VRK2: variants seen among roughly 807,000 people sequenced by gnomAD.
VRK2 encodes the protein VRK serine/threonine kinase 2.
A neutral mutation model predicts 57.6 loss-of-function variants in VRK2; 60 were observed. The ratio of observed to expected loss-of-function variants is 1.04; its 90% confidence interval spans 0.85 to 1.29. The LOEUF is 1.29. VRK2 is among the 50% of genes most tolerant of loss of function. VRK2 has a pLI of 0.00. For missense variants in VRK2, 705 were observed against 588.1 expected (o/e 1.20, Z -2.06); for synonymous variants, 231 against 199.2 (o/e 1.16, Z -1.35).
intron 2 of VRK2, among the ~76,000 whole-genome samples, chr2:58,059,553 A>C (rs570272154): frequency 1.3e-5 from 2 of 152,056 alleles, no homozygotes; most frequent in East Asian, 3.9e-4. Flanking sequence ...TAAGATAAAT[A>C]GGATCGTGTT....
At chr2:58,090,165 G>A (rs1309461340) in intron 7 of VRK2, among the ~76,000 whole-genome samples, 4 of 152,148 alleles carry the variant, frequency 2.6e-5, no homozygotes, top group Non-Finnish European at 5.9e-5. Flanking sequence ...AGAGGCCGAG[G>A]TGAGTGGATC....
intron 3 of VRK2, among the ~76,000 whole-genome samples, chr2:58,034,052 T>C (rs1674198732): frequency 6.6e-6 from 1 of 152,070 alleles, no homozygotes; most frequent in Non-Finnish European, 1.5e-5. Context: ...GGTAGGTGCT[T>C]ACAAATGTTA....
chr2:58,154,705 TTTC>T (rs1558712402), intron 12 of VRK2: 4 of 716,574 alleles, frequency 5.6e-6, no homozygotes, highest in Non-Finnish European at 1.0e-5. Flanking sequence ...TTTCCTATTA[TTTC>T]TTTCCTTCAT....
chr2:58,077,762 A>T (rs991741998), intron 2 of VRK2, among the ~76,000 whole-genome samples: 1 of 152,092 alleles, frequency 6.6e-6, no homozygotes, highest in African/African-American at 2.4e-5. Context: ...GCCACAATTT[A>T]CTGTAGAGTT....
chr2:57,919,884 AT>A (rs1475499501), intron 1 of VRK2, among the ~76,000 whole-genome samples: 2 of 152,120 alleles, frequency 1.3e-5, no homozygotes, highest in African/African-American at 4.8e-5. Context: ...AGGAGCCATT[AT>A]CTCCATGGGT....
At chr2:57,914,022 A>G (rs917826254) in intron 1 of VRK2, among the ~76,000 whole-genome samples, 4 of 152,098 alleles carry the variant, frequency 2.6e-5, no homozygotes, top group Non-Finnish European at 5.9e-5. Context: ...TGCTTAATAC[A>G]TTAAAGAGAA....
chr2:57,969,299 A>C (rs1672020090), intron 1 of VRK2, among the ~76,000 whole-genome samples: 1 of 152,128 alleles, frequency 6.6e-6, no homozygotes, highest in Non-Finnish European at 1.5e-5. Flanking sequence ...TTCCATTTGA[A>C]GAAATCAAGT....
At chr2:58,060,071 T>G (rs962027289) in intron 2 of VRK2, among the ~76,000 whole-genome samples, 15 of 151,780 alleles carry the variant, frequency 9.9e-5, no homozygotes, top group African/African-American at 3.6e-4. Flanking sequence ...ATGTAAACCT[T>G]TTATCTTACA....
intron 1 of VRK2, among the ~76,000 whole-genome samples, chr2:57,963,757 C>T (rs554036068): frequency 6.6e-6 from 1 of 152,236 alleles, no homozygotes; most frequent in Non-Finnish European, 1.5e-5. Context: ...CTTTTTATAA[C>T]CAATCAATAG....
chr2:58,066,812 T>C (rs901484440), intron 2 of VRK2, among the ~76,000 whole-genome samples: 5 of 152,190 alleles, frequency 3.3e-5, no homozygotes, highest in Non-Finnish European at 2.9e-5. Context: ...TAGTTCATGG[T>C]TTTTAAGGAA....
chr2:57,957,412 G>A (rs1671619638), intron 1 of VRK2, among the ~76,000 whole-genome samples: 1 of 151,940 alleles, frequency 6.6e-6, no homozygotes, highest in African/African-American at 2.4e-5. Flanking sequence ...TGCTTTGTCA[G>A]AGCATAACTT....
chr2:58,105,727 C>T (rs1430604424), intron 7 of VRK2, among the ~76,000 whole-genome samples: 1 of 151,620 alleles, frequency 6.6e-6, no homozygotes, highest in Non-Finnish European at 1.5e-5. Flanking sequence ...TTAACAGGTG[C>T]CCTTTTTTAG....
Position 58,140,003 on chromosome 2 carries a change from G to A in VRK2, c.1023+171G>A, listed in dbSNP as rs148764896. On this transcript the variant is annotated intron_variant, in intron 11 of 12. Transcript: ENST00000340157. The stretch of plus-strand genomic sequence containing the variant: ...AGTTTGTTCCAAGTTCTTTTGACCT[G>A]TTGTCTCACAGAGAAAAATAGGATC... 4.2e-3 allele frequency among the ~76,000 whole-genome samples: 632 copies of A among 152,084 alleles called. 7 individuals are homozygous for A. The highest frequency in any genetic ancestry group is 0.014 in the African/African-American group (590 of 41,520).
Position 58,159,396 on chromosome 2 carries a change from G to C in VRK2, c.1230G>C (p.Leu410Phe). 6.2e-7 allele frequency: 1 copy of C among 1,613,134 alleles called. No homozygotes were observed. Among genetic ancestry groups the C allele is most frequent in the Non-Finnish European group, 8.5e-7 (1 of 1,179,594 alleles). Residue 410 changes from leucine to phenylalanine, a missense_variant, in exon 13 of 13, where the codon TTG (leucine) becomes TTC (phenylalanine). Transcript: ENST00000340157. ...AATATCAAGAGTCTCAAGAACCTTT[G>C]AATGAAGTAAACAGTTTCCCACAAA... is the stretch of plus-strand genomic sequence containing the variant. ...RQKYQESQEP[L>F]NEVNSFPQKI...
intron 2 of VRK2, among the ~76,000 whole-genome samples, chr2:58,059,520 G>T (rs1355697775): frequency 6.6e-6 from 1 of 151,832 alleles, no homozygotes; most frequent in Non-Finnish European, 1.5e-5. Context: ...GCCTTTTAAA[G>T]AGTAAAACAA....
At chr2:58,061,499 C>T (rs1162214474) in intron 2 of VRK2, among the ~76,000 whole-genome samples, 3 of 151,862 alleles carry the variant, frequency 2.0e-5, no homozygotes, top group African/African-American at 7.2e-5. Context: ...GACAGAACTT[C>T]ATAATCGGTT....
Position 58,048,912 on chromosome 2 carries a change from T to C in VRK2, c.81T>C (p.Asn27=), listed in dbSNP as rs1675283693. Reference sequence around the variant, plus strand: ...AGGTTCTGGATGATATGGAAGGCAATCAGTGGGTACTGGGCAAGAAGATTG... The same window carrying C: ...AGGTTCTGGATGATATGGAAGGCAACCAGTGGGTACTGGGCAAGAAGATTG... ...EGKVLDDMEG[N]QWVLGKKIGS... Residue 27 remains asparagine, a synonymous_variant, in exon 2 of 13, where the codon AAT becomes AAC. Transcript: ENST00000340157. 2.5e-6 allele frequency: 4 copies of C among 1,614,018 alleles called. No individual in the cohort carries two copies. Among genetic ancestry groups the C allele is most frequent in the African/African-American group, 1.3e-5 (1 of 75,040 alleles).
At chr2:57,950,506 A>C (rs927056112) in intron 1 of VRK2, among the ~76,000 whole-genome samples, 2 of 152,214 alleles carry the variant, frequency 1.3e-5, no homozygotes, top group African/African-American at 4.8e-5. Flanking sequence ...ATTGAGACCC[A>C]CTGCTTAGAG....
At chr2:57,963,792 T>C (rs1671830106) in intron 1 of VRK2, among the ~76,000 whole-genome samples, 1 of 152,238 alleles carries the variant, frequency 6.6e-6, no homozygotes, top group Non-Finnish European at 1.5e-5. Flanking sequence ...CAAAGATAAG[T>C]GAATACAAGA....
Sources: allele counts gnomAD v4.1 joint callset (sites outside exome capture counted in the v4.1 genomes callset), GRCh38; gene constraint gnomAD v4.1.1; transcripts MANE v1.5; gene names NCBI Gene and HGNC (gene_info 2026-07-23, HGNC 2026-07-21).